PSMG2: variants seen among roughly 807,000 people sequenced by gnomAD.
PSMG2 encodes proteasome assembly chaperone 2.
A neutral mutation model predicts 31.5 loss-of-function variants in PSMG2; 21 were observed. That is an observed-to-expected ratio of 0.67 (90% CI 0.47 to 0.96). The LOEUF (loss-of-function observed/expected upper bound fraction) is 0.96. PSMG2 is among the 40% of genes least tolerant of loss of function. The pLI, the probability that PSMG2 is intolerant of heterozygous loss-of-function variation, is 0.00. For missense variants in PSMG2, 318 were observed against 321.2 expected (o/e 0.99, Z 0.08); for synonymous variants, 120 against 110.4 (o/e 1.09, Z -0.54).
upstream of PSMG2, chr18:12,702,475 G>A (rs2040193721): frequency 1.9e-6 from 3 of 1,600,616 alleles, no homozygotes; most frequent in Admixed American, 1.7e-5. Context: ...CCCAGCACCC[G>A]CGACTCTCAC....
chr18:12,717,392 C>T (rs2040387248), intron 3 of PSMG2, among the ~76,000 whole-genome samples: 1 of 152,180 alleles, frequency 6.6e-6, no homozygotes, highest in African/African-American at 2.4e-5. Context: ...GCGGGCTCCC[C>T]CTGAAATTTT....
intron 1 of PSMG2, chr18:12,670,360 C>G (rs2038913335): frequency 6.6e-6 from 1 of 152,026 alleles, no homozygotes; most frequent in African/African-American, 2.4e-5. Context: ...TAGCAGACTT[C>G]TAGTGGTAAA....
At chr18:12,693,897 A>G (rs2039857312) in intron 1 of PSMG2, among the ~76,000 whole-genome samples, 1 of 152,178 alleles carries the variant, frequency 6.6e-6, no homozygotes, top group Non-Finnish European at 1.5e-5. Context: ...CAGTGGTACA[A>G]TCACAGCTCA....
At chr18:12,681,803 T>G (rs1346078235) in intron 1 of PSMG2, among the ~76,000 whole-genome samples, 1 of 152,168 alleles carries the variant, frequency 6.6e-6, no homozygotes, top group Non-Finnish European at 1.5e-5. Flanking sequence ...TATATTACTT[T>G]CAATTTTAAA....
At chr18:12,708,560 CT>C in intron 2 of PSMG2, among the ~76,000 whole-genome samples, 1 of 151,316 alleles carries the variant, frequency 6.6e-6, no homozygotes, top group South Asian at 2.1e-4. Flanking sequence ...GACGGAGTTT[CT>C]CCATGTTGGT....
upstream of PSMG2, chr18:12,698,874 C>A: frequency 1.3e-6 from 1 of 763,212 alleles, no homozygotes. Context: ...ATAGAGATTC[C>A]TCCATTATAA....
chr18:12,704,207 T>G (rs1324427832), intron 1 of PSMG2, among the ~76,000 whole-genome samples: 1 of 152,098 alleles, frequency 6.6e-6, no homozygotes, highest in Admixed American at 6.6e-5. Context: ...ACCAGTGAAG[T>G]GGTGAAGAGG....
At chr18:12,707,315 T>C (rs1273988021) in intron 2 of PSMG2, among the ~76,000 whole-genome samples, 2 of 152,214 alleles carry the variant, frequency 1.3e-5, no homozygotes, top group Non-Finnish European at 2.9e-5. Context: ...ATGGATTTTT[T>C]TCCTTCTATC....
chr18:12,725,315 C>A, intron 6 of PSMG2, 124 bp from the exon 7 acceptor site: 2 of 663,892 alleles, frequency 3.0e-6, no homozygotes, highest in Non-Finnish European at 4.9e-6. Context: ...TTTTCCTTAA[C>A]AATAAAACCT....
At chr18:12,712,167 A>G (rs1219908706) in intron 2 of PSMG2, among the ~76,000 whole-genome samples, 1 of 152,222 alleles carries the variant, frequency 6.6e-6, no homozygotes, top group African/African-American at 2.4e-5. Context: ...TAAAAAATAC[A>G]AACACATTGA....
chr18:12,700,972 G>GTTC, upstream of PSMG2: 1 of 1,612,892 alleles, frequency 6.2e-7, no homozygotes, highest in East Asian at 2.2e-5. Context: ...ACAAAATTAA[G>GTTC]TTCTTTCATC....
chr18:12,721,833 G>GT (rs2040433715), intron 5 of PSMG2, among the ~76,000 whole-genome samples: 3 of 151,234 alleles, frequency 2.0e-5, no homozygotes, highest in East Asian at 1.9e-4. Context: ...TAATTTAAAA[G>GT]TTTTTTTCTT....
intron 1 of PSMG2, chr18:12,672,953 G>A: frequency 1.0e-6 from 1 of 983,504 alleles, no homozygotes; most frequent in East Asian, 1.1e-4. Context: ...CTCCTAATCT[G>A]TATAAAATAA....
At chr18:12,708,660 A>G (rs891498350) in intron 2 of PSMG2, among the ~76,000 whole-genome samples, 3 of 144,908 alleles carry the variant, frequency 2.1e-5, no homozygotes, top group Non-Finnish European at 3.0e-5. Context: ...CGCTGCGCCC[A>G]GCGGCGTTTA....
chr18:12,687,104 T>C (rs2039565509), intron 1 of PSMG2, among the ~76,000 whole-genome samples: 1 of 152,178 alleles, frequency 6.6e-6, no homozygotes, highest in Non-Finnish European at 1.5e-5. Context: ...CAGTGAGTAT[T>C]ACCAAAGTCC....
chr18:12,678,380 TAC>T, intron 1 of PSMG2: 1 of 1,614,160 alleles, frequency 6.2e-7, no homozygotes, highest in Non-Finnish European at 8.5e-7. Flanking sequence ...TCGATATGGG[TAC>T]AGTGGTTTGG....
At chr18:12,685,632 A>C (rs1406157890) in intron 1 of PSMG2, 1 of 143,208 alleles carries the variant, frequency 7.0e-6, no homozygotes. Flanking sequence ...CTTATATAAA[A>C]TAGTATTTTT....
upstream of PSMG2, chr18:12,702,338 T>C (rs1179599048): frequency 3.2e-6 from 2 of 621,464 alleles, no homozygotes; most frequent in African/African-American, 3.9e-5. Flanking sequence ...TGCCTCAAAC[T>C]CAAAGCTCTG....
chr18:12,691,618 C>T, intron 1 of PSMG2: 1 of 587,882 alleles, frequency 1.7e-6, no homozygotes, highest in South Asian at 2.6e-5. Context: ...TCTATAAGAG[C>T]CTCCTGACTT....
Sources: allele counts gnomAD v4.1 joint callset (sites outside exome capture counted in the v4.1 genomes callset), GRCh38; gene constraint gnomAD v4.1.1; transcripts MANE v1.5; gene names NCBI Gene and HGNC (gene_info 2026-07-23, HGNC 2026-07-21).